Variants in DLC1 observed in about 807,000 individuals in gnomAD.
The protein encoded by DLC1 is DLC1 Rho GTPase activating protein, also known as rho GTPase-activating protein 7.
Under a neutral mutation model 140.3 loss-of-function variants are expected in DLC1, and 54 were observed. The ratio of observed to expected loss-of-function variants is 0.38; its 90% CI spans 0.31 to 0.48. The LOEUF (loss-of-function observed/expected upper bound fraction) is 0.48, where lower values mean the gene tolerates loss of function less well. DLC1 is among the 20% of genes least tolerant of loss of function. The pLI is 0.96. For synonymous variants in DLC1, 986 were observed against 728.1 expected (o/e 1.35, Z -5.70); for missense variants, 2,536 against 1,907.0 (o/e 1.33, Z -6.14).
At chr8:13,203,528 C>G (rs28696810) in intron 5 of DLC1, among the ~76,000 whole-genome samples, 5,342 of 152,198 alleles carry the variant, frequency 0.035, 319 homozygotes, top group African/African-American at 0.12. Context: ...TTGAAGAAAA[C>G]CTGGAGATTG....
intron 2 of DLC1, among the ~76,000 whole-genome samples, chr8:13,486,193 G>A (rs960300542): frequency 2.0e-5 from 3 of 152,068 alleles, no homozygotes; most frequent in East Asian, 1.9e-4. Context: ...TCATGCCTTA[G>A]GAAAAAGCAA....
chr8:13,171,920 G>A (rs535563054), intron 5 of DLC1, among the ~76,000 whole-genome samples: 3 of 152,228 alleles, frequency 2.0e-5, no homozygotes, highest in Admixed American at 1.3e-4. Context: ...TGAATCCTAC[G>A]GCTACGGGTA....
rs554749082 is a variant in DLC1, at chr8:13,092,966, T to C, written c.3527-141A>G. ...TTGTAGAAAGTGCACTAGAGGTTAA[T>C]ACGGTAAAAGTTATGAATTGCCACC... On this transcript the variant is annotated intron_variant, in intron 12 of 17. Coordinates refer to ENST00000276297, the MANE Select transcript of DLC1 (RefSeq NM_182643.3). The C allele has an allele frequency of 4.9e-5, 45 of 926,938 alleles. No individual in the cohort carries two copies. In the South Asian group the frequency reaches 6.7e-4, roughly 14 times the overall value. 57.4% of individuals were successfully genotyped at this position (926,938 alleles called of 1,614,324 possible).
chr8:13,347,946 G>C (rs1317400514), intron 4 of DLC1, among the ~76,000 whole-genome samples: 1 of 152,012 alleles, frequency 6.6e-6, no homozygotes, highest in Non-Finnish European at 1.5e-5. Flanking sequence ...AAAATTAGCC[G>C]GGCATGGTGG....
intron 5 of DLC1, among the ~76,000 whole-genome samples, chr8:13,250,115 A>G (rs1184128603): frequency 1.3e-5 from 2 of 152,234 alleles, no homozygotes; most frequent in Non-Finnish European, 2.9e-5. Flanking sequence ...TGCCTGGCAC[A>G]ATCCCTGGAA....
At chr8:13,505,602 T>C (rs1802023042) in intron 1 of DLC1, among the ~76,000 whole-genome samples, 1 of 152,186 alleles carries the variant, frequency 6.6e-6, no homozygotes, top group Non-Finnish European at 1.5e-5. Context: ...CAAACCATTC[T>C]TTTTGCCCCA....
intron 2 of DLC1, among the ~76,000 whole-genome samples, chr8:13,453,460 G>GTATATATATACATATATATATGTA (rs1563360260): frequency 4.3e-5 from 1 of 23,210 alleles, no homozygotes; most frequent in South Asian, 1.4e-3. Context: ...ATATATATAT[G>GTATATATATACATATATATATGTA]TATATATATA....
intron 5 of DLC1, among the ~76,000 whole-genome samples, chr8:13,162,608 C>T (rs1458426876): frequency 1.3e-5 from 2 of 152,192 alleles, no homozygotes; most frequent in Non-Finnish European, 2.9e-5. Context: ...CAGGCGTGAG[C>T]CACGGCTCCC....
chr8:13,534,320 G>T (rs1046781568), intron 1 of DLC1, among the ~76,000 whole-genome samples: 23 of 150,092 alleles, frequency 1.5e-4, no homozygotes, highest in African/African-American at 4.6e-4. Context: ...TTAATAATAA[G>T]AACTGTATTT....
intron 4 of DLC1, among the ~76,000 whole-genome samples, chr8:13,380,732 T>A (rs1204196882): frequency 6.6e-6 from 1 of 152,150 alleles, no homozygotes; most frequent in Non-Finnish European, 1.5e-5. Flanking sequence ...AAATTAAAAT[T>A]TTGACCCAAA....
intron 4 of DLC1, among the ~76,000 whole-genome samples, chr8:13,343,423 A>C (rs187081925): frequency 6.6e-6 from 1 of 152,310 alleles, no homozygotes; most frequent in East Asian, 1.9e-4. Flanking sequence ...AAAAGCTTTA[A>C]AATTACATGT....
Position 13,091,393 on chromosome 8 carries a change from C to T in DLC1, c.3780G>A (p.Gln1260=). Residue 1260 remains glutamine (Q), a synonymous_variant, in exon 14 of 18, where the codon CAG becomes CAA. Coordinates refer to ENST00000276297, the MANE Select transcript of DLC1 (RefSeq NM_182643.3). ...CAGCTAGGTTTTCATTCAAATCTTT[C>T]TGATCTGGTTTGCCCAAACTTTGTT... ...QRKQSLGKPD[Q]KDLNENLAAT... is the part of the protein sequence containing the mutation. 2 of 1,614,144 alleles carry T rather than the reference C, an allele frequency of 1.2e-6. No individual in the cohort carries two copies. Among genetic ancestry groups the T allele is most frequent in the Middle Eastern group, 1.6e-4 (1 of 6,062 alleles).
intron 1 of DLC1, among the ~76,000 whole-genome samples, chr8:13,533,807 G>A (rs1253769388): frequency 6.6e-6 from 1 of 152,164 alleles, no homozygotes; most frequent in African/African-American, 2.4e-5. Flanking sequence ...ACTGTAGTGA[G>A]CAAGTTCTCA....
chr8:13,567,328 C>T lies in DLC1; in HGVS notation c.-126+37209G>A, dbSNP rs1804479881. ...CACCAAACTTCCAACAGAAATCACTCGGGTATCAGATGAAGAATTGAATGC... is the reference window on the plus strand; with the variant it reads ...CACCAAACTTCCAACAGAAATCACTTGGGTATCAGATGAAGAATTGAATGC... On this transcript the variant is annotated intron_variant, in intron 1 of 1. Coordinates refer to the DLC1 transcript ENST00000631382. 4.5e-6 allele frequency: 7 copies of T among 1,551,658 alleles called. No individual in the cohort carries two copies. The East Asian group carries it at 1.2e-4, about 27-fold the overall frequency.
At chr8:13,448,052 A>T (rs1193949234) in intron 2 of DLC1, among the ~76,000 whole-genome samples, 1 of 152,220 alleles carries the variant, frequency 6.6e-6, no homozygotes, top group East Asian at 1.9e-4. Context: ...CTAAATGTTA[A>T]TGACTTTACT....
intron 5 of DLC1, among the ~76,000 whole-genome samples, chr8:13,125,341 C>A (rs1020765765): frequency 3.3e-5 from 5 of 152,202 alleles, no homozygotes; most frequent in Non-Finnish European, 7.3e-5. Flanking sequence ...ATATCATAGA[C>A]AACACAAAAC....
At chr8:13,204,056 C>T (rs1336799993) in intron 5 of DLC1, among the ~76,000 whole-genome samples, 2 of 151,792 alleles carry the variant, frequency 1.3e-5, no homozygotes, top group Non-Finnish European at 2.9e-5. Context: ...TTGTTGGGGT[C>T]GGAGGTGACT....
intron 2 of DLC1, among the ~76,000 whole-genome samples, chr8:13,404,092 T>A (rs1479688144): frequency 2.0e-5 from 3 of 152,142 alleles, no homozygotes; most frequent in Non-Finnish European, 2.9e-5. Context: ...ACATATTCAG[T>A]GATTGTAAAG....
intron 2 of DLC1, among the ~76,000 whole-genome samples, chr8:13,422,386 A>G (rs1838355997): frequency 1.3e-5 from 2 of 151,554 alleles, no homozygotes; most frequent in Admixed American, 1.3e-4. Context: ...AACACTAGAA[A>G]GGAATTCAGA....
Sources: gnomAD v4.1 joint callset for allele counts (sites outside exome capture counted in the v4.1 genomes callset) on GRCh38, gnomAD v4.1.1 for gene constraint, MANE v1.5 for transcripts, NCBI Gene and HGNC (gene_info 2026-07-23, HGNC 2026-07-21) for gene names.